The following KCNMA1 variants were observed in gnomAD, a reference collection of about 807,000 sequenced individuals.
KCNMA1 encodes the protein Calcium-activated potassium channel subunit alpha-1.
KCNMA1 carries 29 observed loss-of-function variants against 140.0 expected under a neutral mutation model. The ratio of observed to expected loss-of-function variants is 0.21; its 90% CI spans 0.15 to 0.28. The LOEUF (loss-of-function observed/expected upper bound fraction) is 0.28, where lower values mean the gene tolerates loss of function less well. Ranked by LOEUF, KCNMA1 falls within the 10% of genes least tolerant of loss-of-function variation. The probability of loss-of-function intolerance (pLI) is 1.00; values close to 1 mark genes in which losing one functional copy is unlikely to be tolerated. For synonymous variants in KCNMA1, 612 were observed against 611.9 expected, an observed-to-expected ratio of 1.00 and a Z score of 0.00; for missense variants, 880 against 1,602.2, an observed-to-expected ratio of 0.55 and a Z score of 7.70.
At chr10:77,011,855 A>G (rs1225944897) in intron 18 of KCNMA1, 112 bp downstream of exon 18, 10 of 918,770 alleles carry the variant, frequency 1.1e-5, no homozygotes, top group Non-Finnish European at 1.6e-5. Flanking sequence ...ACATAAACAT[A>G]CTCAAGAAAA....
At chr10:77,193,345 A>G (rs2039257067) in intron 3 of KCNMA1, among the ~76,000 whole-genome samples, 1 of 152,200 alleles carries the variant, frequency 6.6e-6, no homozygotes, top group Non-Finnish European at 1.5e-5. Context: ...AATCAGAGCT[A>G]AGCTACTACA....
At chr10:77,619,840 G>A (rs775610961) in intron 1 of KCNMA1, among the ~76,000 whole-genome samples, 40 of 152,186 alleles carry the variant, frequency 2.6e-4, no homozygotes, top group Non-Finnish European at 1.6e-4. Context: ...GCTGACTAGG[G>A]TAGGTAGAGA....
intron 20 of KCNMA1, among the ~76,000 whole-genome samples, chr10:76,969,300 G>GGGAAGGAAGGGAGGAAGGAAGGAAGGAA: frequency 1.8e-5 from 2 of 109,362 alleles, no homozygotes; most frequent in African/African-American, 6.9e-5. Context: ...GAAGGAAGGA[G>GGGAAGGAAGGGAGGAAGGAAGGAAGGAA]GGAAGGAAGG....
At chr10:77,514,176 G>C (rs111638759) in intron 1 of KCNMA1, among the ~76,000 whole-genome samples, 65 of 152,346 alleles carry the variant, frequency 4.3e-4, no homozygotes, top group African/African-American at 1.2e-3. Context: ...CCTTACTCAG[G>C]GTCCCGAGGG....
At chr10:77,012,528 G>T in intron 17 of KCNMA1, 1 of 1,550,170 alleles carries the variant, frequency 6.5e-7, no homozygotes, top group Non-Finnish European at 8.7e-7. Context: ...CCTTTTCTGG[G>T]CAGCCAAAGG....
intron 19 of KCNMA1, chr10:76,974,698 T>G: frequency 3.0e-6 from 2 of 667,204 alleles, no homozygotes; most frequent in Non-Finnish European, 5.1e-6. Context: ...CCCTCACAGC[T>G]GAATTGCCAT....
At chr10:77,285,922 G>C (rs1194708584) in intron 2 of KCNMA1, among the ~76,000 whole-genome samples, 2 of 152,154 alleles carry the variant, frequency 1.3e-5, no homozygotes, top group East Asian at 3.8e-4. Context: ...CCTCTGTAAA[G>C]GACAGCGATC....
intron 2 of KCNMA1, among the ~76,000 whole-genome samples, chr10:77,390,632 G>A (rs1203493792): frequency 6.6e-6 from 1 of 152,218 alleles, no homozygotes; most frequent in African/African-American, 2.4e-5. Context: ...AGTGCCTGCT[G>A]ATATAATTAG....
intron 2 of KCNMA1, among the ~76,000 whole-genome samples, chr10:77,348,117 T>G (rs1010302408): frequency 6.6e-6 from 1 of 152,204 alleles, no homozygotes; most frequent in African/African-American, 2.4e-5. Flanking sequence ...ATCACCGGGA[T>G]AAACAGAGGC....
intron 2 of KCNMA1, among the ~76,000 whole-genome samples, chr10:77,326,559 A>G (rs112852772): frequency 9.9e-5 from 15 of 152,208 alleles, no homozygotes; most frequent in African/African-American, 3.4e-4. Context: ...AATGATGATG[A>G]TATCTCTGTT....
At chr10:77,319,803 T>A (rs2081865458) in intron 2 of KCNMA1, among the ~76,000 whole-genome samples, 1 of 152,234 alleles carries the variant, frequency 6.6e-6, no homozygotes, top group Admixed American at 6.5e-5. Flanking sequence ...TTTCCATCAA[T>A]CTGGTTTGCT....
At chr10:77,518,945 G>A (rs906296956) in intron 1 of KCNMA1, among the ~76,000 whole-genome samples, 1 of 152,182 alleles carries the variant, frequency 6.6e-6, no homozygotes, top group Non-Finnish European at 1.5e-5. Flanking sequence ...TCCACGCATG[G>A]TTACTATTAG....
intron 1 of KCNMA1, among the ~76,000 whole-genome samples, chr10:77,433,938 G>A (rs937248598): frequency 7.9e-5 from 12 of 152,272 alleles, no homozygotes; most frequent in African/African-American, 2.2e-4. Context: ...TGATTCCCAC[G>A]CCACAAGGGT....
intron 1 of KCNMA1, among the ~76,000 whole-genome samples, chr10:77,590,622 A>G (rs1407170347): frequency 1.3e-5 from 2 of 152,168 alleles, no homozygotes; most frequent in Non-Finnish European, 2.9e-5. Context: ...TGGCCACCCC[A>G]GAAAGGGGCT....
intron 13 of KCNMA1, among the ~76,000 whole-genome samples, chr10:77,075,914 TC>T (rs2096380326): frequency 6.6e-6 from 1 of 152,134 alleles, no homozygotes; most frequent in Admixed American, 6.5e-5. Context: ...TGGAGGCAAA[TC>T]CTCTCTCCCT....
At chr10:77,559,657 T>C (rs370784782) in intron 1 of KCNMA1, among the ~76,000 whole-genome samples, 103 of 152,286 alleles carry the variant, frequency 6.8e-4, no homozygotes, top group African/African-American at 2.3e-3. Context: ...CCTTCAGGTA[T>C]TGTATCCATA....
At chr10:77,007,970 G>A (rs1457522912) in intron 18 of KCNMA1, among the ~76,000 whole-genome samples, 1 of 152,078 alleles carries the variant, frequency 6.6e-6, no homozygotes, top group African/African-American at 2.4e-5. Flanking sequence ...GTGGATGGAT[G>A]GAGAGCAGGC....
intron 1 of KCNMA1, among the ~76,000 whole-genome samples, chr10:77,529,207 T>C (rs2056882593): frequency 6.6e-6 from 1 of 151,086 alleles, no homozygotes; most frequent in Non-Finnish European, 1.5e-5. Flanking sequence ...TGCACTAAGT[T>C]CCCCCACTGT....
At chr10:77,005,000 T>C (rs951645366) in intron 18 of KCNMA1, among the ~76,000 whole-genome samples, 3 of 152,186 alleles carry the variant, frequency 2.0e-5, no homozygotes, top group African/African-American at 7.2e-5. Context: ...CAAAGCATCC[T>C]CTCTCCTTTG....
Sources: gnomAD v4.1 joint callset for allele counts (sites outside exome capture counted in the v4.1 genomes callset) on GRCh38, gnomAD v4.1.1 for gene constraint, MANE v1.5 for transcripts, NCBI Gene and HGNC (gene_info 2026-07-23, HGNC 2026-07-21) for gene names.